Variants in ANOS1 observed in about 807,000 individuals in gnomAD.
ANOS1 encodes the protein anosmin 1, also known as anosmin-1.
In ANOS1, 6 loss-of-function variants were observed where a neutral mutation model predicts 59.0. That is an observed-to-expected ratio of 0.10 (90% CI 0.06 to 0.20). The LOEUF (loss-of-function observed/expected upper bound fraction) is 0.20. Ranked by LOEUF, ANOS1 falls within the 10% of genes least tolerant of loss-of-function variation. The pLI is 1.00. For synonymous variants in ANOS1, 217 were observed against 223.4 expected (o/e 0.97, Z 0.25); for missense variants, 433 against 542.3 (o/e 0.80, Z 2.00).
At chrX:8,705,710 G>A (rs1309366712) in intron 1 of ANOS1, among the ~76,000 whole-genome samples, 2 of 112,195 alleles carry the variant, frequency 1.8e-5, no homozygotes, top group African/African-American at 3.2e-5. Flanking sequence ...GAAGTCCTTC[G>A]TCAGATTACA....
At chrX:8,620,138 T>C (rs1356206238) in intron 3 of ANOS1, among the ~76,000 whole-genome samples, 1 of 111,911 alleles carries the variant, frequency 8.9e-6, no homozygotes, top group East Asian at 2.8e-4. Flanking sequence ...ACTTTTTCTA[T>C]AAAGGGCCAG....
chrX:8,698,674 A>G (rs967981112), intron 2 of ANOS1, among the ~76,000 whole-genome samples: 4 of 111,810 alleles, frequency 3.6e-5, no homozygotes, highest in African/African-American at 1.3e-4. Flanking sequence ...GTATCTAGAC[A>G]GTCAGAGATA....
intron 2 of ANOS1, among the ~76,000 whole-genome samples, chrX:8,652,965 C>T (rs1354068760): frequency 9.0e-6 from 1 of 111,002 alleles, no homozygotes; most frequent in Non-Finnish European, 1.9e-5. Context: ...AAGCAATCCT[C>T]CTGCCTCAGC....
At chrX:8,554,554 T>G (rs933132926) in intron 8 of ANOS1, among the ~76,000 whole-genome samples, 5 of 97,271 alleles carry the variant, frequency 5.1e-5, no homozygotes, top group East Asian at 3.2e-4. Context: ...TTTTTTTTTT[T>G]TTTTTTTTTT....
In ANOS1 at chrX:8,568,257, G is replaced by A; in HGVS notation, c.1182C>T (p.Phe394=). The part of the protein sequence containing the change: ...RLKSAKVSLH[F]TSTHATNNKE... Reference sequence around the variant, plus strand: ...TGTTGTTGGTTGCATGTGTCGATGTGAAGTGAAGGGACACCTTTGCACTCT... The same window carrying A: ...TGTTGTTGGTTGCATGTGTCGATGTAAAGTGAAGGGACACCTTTGCACTCT... The change falls in exon 8 of 14, where the codon TTC becomes TTT. Residue 394 remains phenylalanine (F), a synonymous_variant. Coordinates refer to ENST00000262648, the MANE Select transcript of ANOS1 (RefSeq NM_000216.4). 1 of 1,210,590 alleles carries A rather than the reference G, an allele frequency of 8.3e-7. No individual in the cohort carries two copies. Among genetic ancestry groups the A allele is most frequent in the Non-Finnish European group, 1.1e-6 (1 of 894,686 alleles).
chrX:8,539,873 C>A, intron 9 of ANOS1, 115 bp from the exon 10 acceptor site: 1 of 983,416 alleles, frequency 1.0e-6, no homozygotes, highest in Non-Finnish European at 1.4e-6. Flanking sequence ...CTACAGGTGA[C>A]CAATAAATGC....
intron 2 of ANOS1, among the ~76,000 whole-genome samples, chrX:8,666,193 C>G (rs1307274856): frequency 9.0e-6 from 1 of 111,006 alleles, no homozygotes; most frequent in Non-Finnish European, 1.9e-5. Context: ...AACAACCTGT[C>G]TCTAAAAACA....
At chrX:8,544,168 G>A (rs191353843) in intron 9 of ANOS1, among the ~76,000 whole-genome samples, 1 of 109,231 alleles carries the variant, frequency 9.2e-6, no homozygotes, top group African/African-American at 3.4e-5. Context: ...TCCTCAGTTC[G>A]CAAAAGTCTA....
chrX:8,705,110 C>G (rs1447444483), intron 1 of ANOS1, among the ~76,000 whole-genome samples: 1 of 111,376 alleles, frequency 9.0e-6, no homozygotes, highest in Non-Finnish European at 1.9e-5. Context: ...CTTTAATTTC[C>G]TGACTGGCCA....
chrX:8,571,106 T>C (rs1930224700), intron 6 of ANOS1, among the ~76,000 whole-genome samples: 1 of 88,279 alleles, frequency 1.1e-5, no homozygotes, highest in Non-Finnish European at 2.1e-5. Context: ...AATGAGACAC[T>C]GTCTCAAAAA....
At chrX:8,724,552 C>A (rs1932897701) in intron 1 of ANOS1, among the ~76,000 whole-genome samples, 1 of 112,359 alleles carries the variant, frequency 8.9e-6, no homozygotes, top group South Asian at 3.7e-4. Context: ...TCGCCATGGT[C>A]TGCGCACATC....
rs73631406 is a variant in ANOS1, at chrX:8,574,386, T to C, written c.857-3682A>G. ...TTATTACTAACTGTTATGGTAAATA[T>C]TGAGTGTCAACTTGATTGGATTGAA... On this transcript the variant is annotated intron_variant, in intron 6 of 13. Coordinates refer to ENST00000262648, the MANE Select transcript of ANOS1 (RefSeq NM_000216.4). Among the ~76,000 whole-genome samples the C allele has an allele frequency of 3.5e-3, 393 of 110,906 alleles. 2 individuals are homozygous for C. The highest frequency in any genetic ancestry group is 0.012 in the African/African-American group (379 of 30,494).
At chrX:8,543,825 T>C (rs1929724733) in intron 9 of ANOS1, among the ~76,000 whole-genome samples, 1 of 110,903 alleles carries the variant, frequency 9.0e-6, no homozygotes, top group South Asian at 3.8e-4. Context: ...GATCATGCCA[T>C]TGCACTCCAG....
At chrX:8,573,570 T>C (rs1173898057) in intron 6 of ANOS1, among the ~76,000 whole-genome samples, 2 of 111,924 alleles carry the variant, frequency 1.8e-5, no homozygotes, top group African/African-American at 3.3e-5. Flanking sequence ...CAAATTGATA[T>C]CTTTAACATA....
intron 2 of ANOS1, among the ~76,000 whole-genome samples, chrX:8,689,985 A>C (rs1028307155): frequency 8.9e-6 from 1 of 111,802 alleles, no homozygotes; most frequent in Non-Finnish European, 1.9e-5. Context: ...CCTCACACAC[A>C]CTAACAATTT....
intron 2 of ANOS1, among the ~76,000 whole-genome samples, chrX:8,644,170 T>C (rs1931712525): frequency 8.9e-6 from 1 of 111,928 alleles, no homozygotes; most frequent in African/African-American, 3.3e-5. Context: ...AAGATTTAGC[T>C]TGACGAAAAT....
At chrX:8,726,665 T>A (rs1932923111) in intron 1 of ANOS1, among the ~76,000 whole-genome samples, 1 of 112,624 alleles carries the variant, frequency 8.9e-6, no homozygotes, top group African/African-American at 3.2e-5. Context: ...AGCCTGCCCA[T>A]GCTTAGGGAA....
At chrX:8,649,483 G>A (rs1215620813) in intron 2 of ANOS1, among the ~76,000 whole-genome samples, 1 of 111,735 alleles carries the variant, frequency 8.9e-6, no homozygotes, top group East Asian at 2.8e-4. Context: ...GTCCACAGAG[G>A]TGGGACCTAC....
intron 2 of ANOS1, among the ~76,000 whole-genome samples, chrX:8,666,552 C>G: frequency 8.9e-6 from 1 of 111,886 alleles, no homozygotes; most frequent in Non-Finnish European, 1.9e-5. Context: ...CCCGTTGTAA[C>G]TTTCAATGTG....
Sources: allele counts gnomAD v4.1 joint callset (sites outside exome capture counted in the v4.1 genomes callset), GRCh38; gene constraint gnomAD v4.1.1; transcripts MANE v1.5; gene names NCBI Gene and HGNC (gene_info 2026-07-23, HGNC 2026-07-21).